Variants in DCLK2 observed in about 807,000 individuals in gnomAD.
DCLK2 encodes the protein serine/threonine-protein kinase DCLK2.
In DCLK2, 31 loss-of-function variants were observed where a neutral mutation model predicts 78.4. The observed-to-expected ratio is 0.40, with a 90% CI of 0.30 to 0.53. DCLK2 has a LOEUF of 0.53. DCLK2 is among the 20% of genes least tolerant of loss of function. The probability of loss-of-function intolerance (pLI) is 0.61; values close to 1 mark genes in which losing one functional copy is unlikely to be tolerated. For missense variants in DCLK2, 872 were observed against 973.7 expected (o/e 0.90, Z 1.39); for synonymous variants, 407 against 374.9 (o/e 1.09, Z -0.99).
chr4:150,244,673 G>A (rs1743173678), intron 12 of DCLK2, among the ~76,000 whole-genome samples: 1 of 152,214 alleles, frequency 6.6e-6, no homozygotes, highest in South Asian at 2.1e-4. Context: ...GATCCAGTGT[G>A]GATTTAATCA....
At chr4:150,109,884 A>T (rs748003536) in intron 2 of DCLK2, among the ~76,000 whole-genome samples, 2 of 152,220 alleles carry the variant, frequency 1.3e-5, no homozygotes, top group African/African-American at 2.4e-5. Context: ...ACCTTAAATT[A>T]AAACAAAAGG....
In DCLK2 at chr4:150,228,898, C is replaced by T. The variant is rs370466182; in HGVS notation, c.1300-3439C>T. Among the ~76,000 whole-genome samples the T allele has an allele frequency of 5.0e-3, 765 of 151,870 alleles. 8 individuals carry two copies. The highest frequency in any genetic ancestry group is 0.017 in the African/African-American group (718 of 41,378). On this transcript the variant is annotated intron_variant, in intron 8 of 15. Transcript: ENST00000296550. ...AAAATTAGCCAGGCGCGGTGGCGGG[C>T]GCCTGTAGTCCCAGCTACTCGGGAG...
intron 15 of DCLK2, chr4:150,253,600 C>G: frequency 1.6e-6 from 2 of 1,287,084 alleles, no homozygotes; most frequent in Non-Finnish European, 2.0e-6. Context: ...CATCCTCAGC[C>G]CCTCTCACGC....
rs1169979109 is a variant in DCLK2 at position 150,079,348 on chromosome 4, C to G, written c.321C>G (p.Thr107=). The G allele has an allele frequency of 6.3e-7, 1 of 1,587,950 alleles. No individual in the cohort carries two copies. The highest frequency in any genetic ancestry group is 1.8e-5 in the Admixed American group (1 of 56,226). Residue 107 remains threonine (T), a synonymous_variant, in exon 1 of 16, where the codon ACC becomes ACG. Transcript: ENST00000296550. ...RSFDALLIEL[T]RSLSDNVNLP... ...TCGATGCGCTCCTCATAGAGCTCACCCGCTCCCTGTCGGACAACGTGAACC... is the reference window on the plus strand; with the variant it reads ...TCGATGCGCTCCTCATAGAGCTCACGCGCTCCCTGTCGGACAACGTGAACC...
chr4:150,144,170 G>A (rs1734298244), intron 2 of DCLK2, among the ~76,000 whole-genome samples: 1 of 152,164 alleles, frequency 6.6e-6, no homozygotes, highest in Non-Finnish European at 1.5e-5. Context: ...CCAATGTCCA[G>A]AAGAGTTTTT....
chr4:150,082,970 T>C (rs1729409480), intron 1 of DCLK2, among the ~76,000 whole-genome samples: 1 of 152,200 alleles, frequency 6.6e-6, no homozygotes, highest in African/African-American at 2.4e-5. Flanking sequence ...TTCTACTGAC[T>C]AGATTTGAGA....
intron 2 of DCLK2, among the ~76,000 whole-genome samples, chr4:150,153,513 A>G (rs1029010438): frequency 6.6e-6 from 1 of 151,916 alleles, no homozygotes; most frequent in African/African-American, 2.4e-5. Flanking sequence ...CCTGGGCCCA[A>G]GCAACTTACC....
intron 2 of DCLK2, among the ~76,000 whole-genome samples, chr4:150,104,704 G>A (rs1297484277): frequency 6.6e-6 from 1 of 151,760 alleles, no homozygotes; most frequent in Non-Finnish European, 1.5e-5. Flanking sequence ...TGTTGCAAAG[G>A]CCTTTGATAA....
intron 2 of DCLK2, among the ~76,000 whole-genome samples, chr4:150,157,715 G>A (rs903884626): frequency 5.9e-5 from 9 of 152,058 alleles, no homozygotes; most frequent in South Asian, 2.1e-4. Flanking sequence ...GTTTCACCAC[G>A]TTGGCCAGGC....
At chr4:150,158,248 CTCTTA>C (rs961344419) in intron 2 of DCLK2, among the ~76,000 whole-genome samples, 9 of 152,164 alleles carry the variant, frequency 5.9e-5, no homozygotes, top group African/African-American at 1.9e-4. Context: ...ACATTTTCTT[CTCTTA>C]TAAGGACACT....
rs151086842 is a variant in DCLK2, at chr4:150,084,734, A to G, written c.421+5286A>G. On this transcript the variant is annotated intron_variant, in intron 1 of 15. Transcript: ENST00000296550. ...TATTTTTATGGTCCTGTAATATGAA[A>G]TAAAGGAAACCAGATTCTCTTGGGC... 2.6e-3 allele frequency among the ~76,000 whole-genome samples: 391 copies of G among 152,296 alleles called. 3 individuals carry two copies. Among genetic ancestry groups the G allele is most frequent in the African/African-American group, 8.9e-3 (368 of 41,564 alleles).
intron 2 of DCLK2, among the ~76,000 whole-genome samples, chr4:150,115,353 T>C (rs1311357514): frequency 2.6e-5 from 4 of 152,186 alleles, no homozygotes; most frequent in Admixed American, 2.6e-4. Flanking sequence ...TTTTGAATTC[T>C]TTATCTAGTA....
intron 2 of DCLK2, among the ~76,000 whole-genome samples, chr4:150,108,134 T>G (rs1169212398): frequency 1.3e-5 from 2 of 152,190 alleles, no homozygotes; most frequent in Non-Finnish European, 2.9e-5. Flanking sequence ...AGAGGAGTCA[T>G]GGTTATTCTC....
rs943673068 is a variant in DCLK2 at position 150,082,520 on chromosome 4, C to A, written c.421+3072C>A. 2.2e-4 allele frequency among the ~76,000 whole-genome samples: 33 copies of A among 152,140 alleles called. 1 individual carries two copies. Among genetic ancestry groups the A allele is most frequent in the Non-Finnish European group, 2.9e-5 (2 of 68,028 alleles). ...AGCTGTTCTAGTGTGAGCTGGCACT[C>A]CTCCAGCACTACACTAAACCAGCAA... On this transcript the variant is annotated intron_variant, in intron 1 of 15. Coordinates refer to ENST00000296550, the MANE Select transcript of DCLK2 (RefSeq NM_001040260.4).
intron 5 of DCLK2, chr4:150,209,663 C>T (rs181425348): frequency 6.6e-6 from 1 of 152,458 alleles, no homozygotes; most frequent in Non-Finnish European, 1.5e-5. Context: ...CTGCTGCCTC[C>T]TCCATTTGGA....
At chr4:150,197,820 G>A (rs1437457188) in intron 3 of DCLK2, among the ~76,000 whole-genome samples, 182 bp from the exon 4 acceptor site, 3 of 151,786 alleles carry the variant, frequency 2.0e-5, no homozygotes, top group African/African-American at 7.2e-5. Context: ...AAAAAAAGAT[G>A]TGTAGCCTGA....
At chr4:150,228,456 G>T (rs1162017454) in intron 8 of DCLK2, among the ~76,000 whole-genome samples, 1 of 152,166 alleles carries the variant, frequency 6.6e-6, no homozygotes, top group Non-Finnish European at 1.5e-5. Flanking sequence ...GAACACTTTG[G>T]TACCTACTGT....
chr4:150,146,440 T>C (rs917862623), intron 2 of DCLK2, among the ~76,000 whole-genome samples: 1 of 152,182 alleles, frequency 6.6e-6, no homozygotes, highest in African/African-American at 2.4e-5. Context: ...ACCTGAACAA[T>C]TGTGCTAATT....
At chr4:150,087,689 T>C (rs1349397885) in intron 1 of DCLK2, among the ~76,000 whole-genome samples, 1 of 152,240 alleles carries the variant, frequency 6.6e-6, no homozygotes, top group East Asian at 1.9e-4. Context: ...CAGCAAGGCC[T>C]GTCTGTCTAG....
Sources: gnomAD v4.1 joint callset for allele counts (sites outside exome capture counted in the v4.1 genomes callset) on GRCh38, gnomAD v4.1.1 for gene constraint, MANE v1.5 for transcripts, NCBI Gene and HGNC (gene_info 2026-07-23, HGNC 2026-07-21) for gene names.